Variants in NPL observed in about 807,000 individuals in gnomAD.
NPL encodes N-acetylneuraminate pyruvate lyase, also known as N-acetylneuraminate lyase.
A neutral mutation model predicts 41.1 loss-of-function variants in NPL; 32 were observed. The observed-to-expected ratio is 0.78, with a 90% CI of 0.59 to 1.05. NPL has a LOEUF of 1.05. Ranked by LOEUF, NPL falls within the 50% of genes least tolerant of loss-of-function variation. NPL has a pLI of 0.00. For missense variants in NPL, 321 were observed against 378.4 expected, an observed-to-expected ratio of 0.85 and a Z score of 1.26; for synonymous variants, 128 against 134.9, an observed-to-expected ratio of 0.95 and a Z score of 0.35.
chr1:182,797,057 T>A (rs1666693428), intron 3 of NPL, among the ~76,000 whole-genome samples: 1 of 141,862 alleles, frequency 7.0e-6, no homozygotes, highest in African/African-American at 2.9e-5. Context: ...AAAAAGCTCT[T>A]TCATATTCTC....
chr1:182,795,222 C>T (rs1433973102), intron 3 of NPL, among the ~76,000 whole-genome samples: 1 of 152,206 alleles, frequency 6.6e-6, no homozygotes, highest in Non-Finnish European at 1.5e-5. Flanking sequence ...TCAGAGGAGT[C>T]AGGCTGCCAA....
intron 11 of NPL, 54 bp from the exon 12 acceptor site, chr1:182,825,727 A>G: frequency 8.4e-7 from 1 of 1,187,034 alleles, no homozygotes; most frequent in Non-Finnish European, 1.3e-6. Context: ...TACATTATTT[A>G]CATTGTTTAC....
intron 6 of NPL, among the ~76,000 whole-genome samples, chr1:182,813,798 G>T (rs1667246711): frequency 6.6e-6 from 1 of 152,120 alleles, no homozygotes; most frequent in Non-Finnish European, 1.5e-5. Flanking sequence ...AACTCTCTTA[G>T]GTGTTTCCTC....
chr1:182,817,616 T>C (rs951522513), intron 8 of NPL, among the ~76,000 whole-genome samples: 1 of 152,214 alleles, frequency 6.6e-6, no homozygotes, highest in Non-Finnish European at 1.5e-5. Flanking sequence ...AAGTCCCAGG[T>C]TGTGGCCTGT....
chr1:182,795,780 C>T (rs914490277), intron 3 of NPL: 3 of 152,114 alleles, frequency 2.0e-5, no homozygotes, highest in Non-Finnish European at 2.9e-5. Flanking sequence ...GTCACTTGTT[C>T]GCAGATCAAA....
intron 7 of NPL, 61 bp from the exon 8 acceptor site, chr1:182,816,653 T>A (rs1320506617): frequency 8.4e-7 from 1 of 1,197,564 alleles, no homozygotes; most frequent in Non-Finnish European, 1.2e-6. Context: ...TTCTCTTTTT[T>A]ACCAGGAAAG....
intron 12 of NPL, chr1:182,826,229 A>T (rs1476088908): frequency 4.3e-6 from 1 of 231,762 alleles, no homozygotes; most frequent in Non-Finnish European, 8.6e-6. Context: ...CAATTTAAAC[A>T]GAGTTTATTA....
intron 4 of NPL, among the ~76,000 whole-genome samples, chr1:182,804,118 T>C (rs1017200170): frequency 1.3e-5 from 2 of 151,972 alleles, no homozygotes; most frequent in African/African-American, 2.4e-5. Flanking sequence ...AACTAAACAC[T>C]CTTCTCTCTT....
At chr1:182,827,666 T>C (rs1299106648) in intron 12 of NPL, among the ~76,000 whole-genome samples, 1 of 152,220 alleles carries the variant, frequency 6.6e-6, no homozygotes, top group Non-Finnish European at 1.5e-5. Context: ...TGTTCTTTAC[T>C]TCTCTTAGCC....
rs557921362 is a variant in NPL at position 182,809,443 on chromosome 1, G to A, written c.231-2713G>A. ...TAATCCCAGCTAAGCAGGAGGCTAA[G>A]GCAGGAGAATCACTTGTACCCTGGA... On this transcript the variant is annotated intron_variant, in intron 5 of 12. Coordinates refer to ENST00000367553, the MANE Select transcript of NPL (RefSeq NM_030769.3). The A allele has an allele frequency of 9.5e-5, 23 of 241,494 alleles. No homozygotes were observed. The East Asian group carries it at 2.8e-3, about 30-fold the overall frequency. 15.0% of individuals were successfully genotyped at this position (241,494 alleles called of 1,614,324 possible).
chr1:182,829,040 G>A lies in NPL; in HGVS notation c.*132G>A. 6.5e-7 allele frequency: 1 copy of A among 1,529,124 alleles called. No homozygotes were observed. The highest frequency in any genetic ancestry group is 8.7e-7 in the Non-Finnish European group (1 of 1,146,666). The allele number at this position is 1,529,124 out of a possible 1,614,324, so 94.7% of individuals were successfully genotyped here. On this transcript the variant is annotated 3_prime_UTR_variant, in exon 13 of 13. Transcript: ENST00000367553. ...AATGAAATCTCACAATAAGCATTGA[G>A]GTACCTTTTGTGAGCCTTAAAAAGT...
chr1:182,814,850 G>C lies in NPL; in HGVS notation c.356G>C (p.Trp119Ser), dbSNP rs779956009. 1.2e-6 allele frequency: 2 copies of C among 1,613,810 alleles called. No individual in the cohort carries two copies. Among genetic ancestry groups the C allele is most frequent in the Non-Finnish European group, 1.7e-6 (2 of 1,179,738 alleles). Reference sequence around the variant, plus strand: ...ATTGCACCGTTCTTCCTCAAGCCATGGACCAAAGGTAAGTAGATAGGTCTG... The same window carrying C: ...ATTGCACCGTTCTTCCTCAAGCCATCGACCAAAGGTAAGTAGATAGGTCTG... ...AVIAPFFLKPWTKDILINFLK... is the reference protein window; with the variant it reads ...AVIAPFFLKPSTKDILINFLK... Residue 119 changes from tryptophan (W) to serine (S), a missense_variant, in exon 7 of 13, where the codon TGG becomes TCG. Trp to Ser is a radical substitution (Grantham distance 177). Transcript: ENST00000367553.
At chr1:182,817,090 T>C (rs556146908) in intron 8 of NPL, among the ~76,000 whole-genome samples, 1 of 152,346 alleles carries the variant, frequency 6.6e-6, no homozygotes, top group South Asian at 2.1e-4. Context: ...CTTCTTCTTA[T>C]TGAGAAGACA....
At chr1:182,817,063 CTA>C in intron 8 of NPL, among the ~76,000 whole-genome samples, 1 of 152,192 alleles carries the variant, frequency 6.6e-6, no homozygotes, top group East Asian at 1.9e-4. Context: ...CCTTTCATCT[CTA>C]TCACACACAC....
chr1:182,817,786 G>C (rs1373690704), intron 8 of NPL, among the ~76,000 whole-genome samples: 1 of 152,246 alleles, frequency 6.6e-6, no homozygotes, highest in Non-Finnish European at 1.5e-5. Flanking sequence ...GATGCATAGG[G>C]TAAGATATGT....
In NPL at chr1:182,828,230, G is replaced by A. The variant is rs763774153; in HGVS notation, c.779-494G>A. 4.9e-4 allele frequency among the ~76,000 whole-genome samples: 75 copies of A among 152,096 alleles called. No homozygotes were observed. The highest frequency in any genetic ancestry group is 7.4e-4 in the Non-Finnish European group (50 of 68,002). ...TTCATTTTCCATTCCCATCCCAGCC[G>A]TATAACACCAGCATGAAAACAGCAG... On this transcript the variant is annotated intron_variant, in intron 12 of 12. Transcript: ENST00000367553. This position sits in a 1 kb window ranked among gnomAD's most constrained non-coding sequence, Gnocchi z 4.0.
chr1:182,800,152 C>T (rs1666795828), intron 3 of NPL, among the ~76,000 whole-genome samples: 1 of 152,000 alleles, frequency 6.6e-6, no homozygotes, highest in African/African-American at 2.4e-5. Context: ...AGTGAAGGGA[C>T]AGGCTGGGCA....
rs1666921988 is a variant in NPL at position 182,803,759 on chromosome 1, A to G, written c.130A>G (p.Lys44Glu). The G allele has an allele frequency of 6.2e-7, 1 of 1,612,060 alleles. No homozygotes were observed. ...VDYLVKEQGV[K>E]NIFVNGTTGE... ...TTATCTTGTGAAAGAACAGGGAGTG[A>G]AGAACATTTTTGGTAAGTCAACTCT... The change falls in exon 4 of 13, where the codon AAG becomes GAG. Residue 44 changes from lysine (K) to glutamate (E), a missense_variant. By Grantham distance (56) the Lys-to-Glu change is moderately conservative (BLOSUM62 1). Coordinates refer to ENST00000367553, the MANE Select transcript of NPL (RefSeq NM_030769.3).
chr1:182,811,428 C>T (rs1667172744), intron 5 of NPL, among the ~76,000 whole-genome samples: 1 of 151,958 alleles, frequency 6.6e-6, no homozygotes, highest in African/African-American at 2.4e-5. Context: ...AGGGTTTTGC[C>T]ATGTTGCCCA....
Sources: allele counts gnomAD v4.1 joint callset (sites outside exome capture counted in the v4.1 genomes callset), GRCh38; gene constraint gnomAD v4.1.1; non-coding constraint Gnocchi (gnomAD v3.1); transcripts MANE v1.5; gene names NCBI Gene and HGNC (gene_info 2026-07-23, HGNC 2026-07-21).